Variants in ERGIC1 observed in about 807,000 individuals in gnomAD.
ERGIC1 encodes the protein endoplasmic reticulum-golgi intermediate compartment 1.
ERGIC1 carries 19 observed loss-of-function variants against 38.3 expected under a neutral mutation model. The observed-to-expected ratio is 0.50, with a 90% CI of 0.35 to 0.73. The LOEUF (loss-of-function observed/expected upper bound fraction) is 0.73, where lower values mean the gene tolerates loss of function less well. ERGIC1 is among the 30% of genes least tolerant of loss of function. The pLI, the probability that ERGIC1 is intolerant of heterozygous loss-of-function variation, is 0.01. For missense variants in ERGIC1, 294 were observed against 389.2 expected (o/e 0.76, Z 2.06); for synonymous variants, 124 against 157.6 (o/e 0.79, Z 1.60).
At chr5:172,925,708 C>T (rs1391464283) in intron 6 of ERGIC1, among the ~76,000 whole-genome samples, 1 of 152,174 alleles carries the variant, frequency 6.6e-6, no homozygotes, top group East Asian at 1.9e-4. Context: ...AGTTTAACTT[C>T]CCACTTTCCT....
chr5:172,861,159 C>G (rs1290414633), intron 1 of ERGIC1, among the ~76,000 whole-genome samples: 1 of 152,230 alleles, frequency 6.6e-6, no homozygotes, highest in Admixed American at 6.5e-5. Context: ...CAGTGGCCAC[C>G]GCTGCTGCTG....
rs1322007149 is a variant in ERGIC1 at position 172,914,250 on chromosome 5, A to AT, written c.251-464_251-463insT. 4.0e-3 allele frequency among the ~76,000 whole-genome samples: 401 copies of AT among 100,650 alleles called. 1 individual carries two copies. Among genetic ancestry groups the AT allele is most frequent in the Non-Finnish European group, 4.0e-3 (206 of 51,008 alleles). 66.0% of individuals were successfully genotyped at this position (100,650 alleles called of 152,430 possible). On this transcript the variant is annotated intron_variant, in intron 4 of 9. Transcript: ENST00000393784. The stretch of plus-strand genomic sequence containing the variant: ...ACTCTGTCTCAAAAAAAAAAAAAAA[A>AT]AAAAAAATACAAAGACTATCTGAGA...
In ERGIC1 at chr5:172,834,266, G is replaced by A. The variant is rs1426850575; in HGVS notation, c.-148G>A. On this transcript the variant is annotated 5_prime_UTR_variant, in exon 1 of 10. Coordinates refer to ENST00000393784, the MANE Select transcript of ERGIC1 (RefSeq NM_001031711.3). The surrounding 1 kb of genome is among the most constrained non-coding windows in gnomAD (Gnocchi z 4.1). Reference sequence around the variant, plus strand: ...GCGGAGCGTCACTTCCCGGCAGCGGGAGGCGAGTGGCGAGTGGCGAGTGGC... The same window carrying A: ...GCGGAGCGTCACTTCCCGGCAGCGGAAGGCGAGTGGCGAGTGGCGAGTGGC... 16 of 770,980 alleles carry A rather than the reference G, an allele frequency of 2.1e-5. No individual in the cohort carries two copies. Among genetic ancestry groups the A allele is most frequent in the Middle Eastern group, 5.1e-4 (1 of 1,942 alleles). 47.8% of individuals were successfully genotyped at this position (770,980 alleles called of 1,614,324 possible).
At chr5:172,877,458 ATT>A (rs56384349) in intron 1 of ERGIC1, among the ~76,000 whole-genome samples, 2,191 of 86,486 alleles carry the variant, frequency 0.025, 23 homozygotes, top group Non-Finnish European at 0.035. Flanking sequence ...ATATATATAT[ATT>A]TTTTTTTTTT....
intron 5 of ERGIC1, among the ~76,000 whole-genome samples, chr5:172,920,910 C>G (rs508104): frequency 0.042 from 6,334 of 152,284 alleles, 442 homozygotes; most frequent in African/African-American, 0.14. Flanking sequence ...TGTCTCATGA[C>G]TGTTTTATCA....
chr5:172,850,216 A>G (rs1037842411), intron 1 of ERGIC1, among the ~76,000 whole-genome samples: 6 of 152,190 alleles, frequency 3.9e-5, no homozygotes, highest in Admixed American at 3.3e-4. Context: ...ACTGGGTCAC[A>G]CTTGAAGCCA....
intron 2 of ERGIC1, among the ~76,000 whole-genome samples, chr5:172,896,533 T>C (rs756310622): frequency 1.3e-5 from 2 of 152,166 alleles, no homozygotes; most frequent in Non-Finnish European, 2.9e-5. Context: ...GTGGGGCCTG[T>C]GGCAAACTCA....
intron 1 of ERGIC1, among the ~76,000 whole-genome samples, chr5:172,886,581 C>T (rs1045128019): frequency 3.9e-5 from 6 of 152,132 alleles, no homozygotes; most frequent in South Asian, 2.1e-4. Context: ...GTAGGCACTG[C>T]GTAAATGTTT....
chr5:172,843,494 T>C (rs981738677), intron 1 of ERGIC1, among the ~76,000 whole-genome samples: 4 of 152,228 alleles, frequency 2.6e-5, no homozygotes, highest in Admixed American at 1.3e-4. Flanking sequence ...CACCAACATA[T>C]AGAATTACCT....
At chr5:172,928,485 C>G (rs781347840) in intron 7 of ERGIC1, among the ~76,000 whole-genome samples, 6 of 152,184 alleles carry the variant, frequency 3.9e-5, no homozygotes, top group Non-Finnish European at 8.8e-5. Flanking sequence ...ACTGGTCACC[C>G]TATCTAAAGT....
intron 1 of ERGIC1, among the ~76,000 whole-genome samples, chr5:172,878,265 A>G (rs1285680039): frequency 6.6e-6 from 1 of 152,132 alleles, no homozygotes; most frequent in East Asian, 1.9e-4. Flanking sequence ...ATTATGTGCT[A>G]TGTAGACCAG....
At chr5:172,897,716 C>A in intron 3 of ERGIC1, 1 of 412,538 alleles carries the variant, frequency 2.4e-6, no homozygotes, top group South Asian at 1.3e-4. Flanking sequence ...ATCACAGGGT[C>A]ATTTGATGTG....
intron 1 of ERGIC1, among the ~76,000 whole-genome samples, chr5:172,852,648 G>A (rs1224165649): frequency 6.6e-6 from 1 of 152,244 alleles, no homozygotes; most frequent in Non-Finnish European, 1.5e-5. Context: ...TAAATGAGCA[G>A]GGTCTTCCTC....
chr5:172,929,007 C>A (rs1763719243), intron 7 of ERGIC1, among the ~76,000 whole-genome samples: 1 of 152,172 alleles, frequency 6.6e-6, no homozygotes, highest in African/African-American at 2.4e-5. Flanking sequence ...TCCCCTAGGG[C>A]AGAATCTAAG....
chr5:172,945,580 C>T (rs530515833), intron 9 of ERGIC1, among the ~76,000 whole-genome samples: 1 of 152,340 alleles, frequency 6.6e-6, no homozygotes, highest in South Asian at 2.1e-4. Context: ...TTCCAGTGAA[C>T]TGAAAGATTA....
At position 172,951,680 on chromosome 5, in the gene ERGIC1, G is replaced by C. The variant is rs1426665983; in HGVS notation, c.*864G>C. 6.6e-6 allele frequency: 1 copy of C among 152,292 alleles called. No homozygotes were observed. Among genetic ancestry groups the C allele is most frequent in the African/African-American group, 2.4e-5 (1 of 41,436 alleles). The allele number at this position is 152,292 out of a possible 1,614,324, so 9.4% of individuals were successfully genotyped here. A position where few individuals can be genotyped will look rare whatever the true frequency, so the allele number is the denominator to read the frequency against. On this transcript the variant is annotated 3_prime_UTR_variant, in exon 10 of 10. Transcript: ENST00000393784. ...GGATCTGCAGTGGCAGGGAGTGGGG[G>C]TTGTGTAAAGGGGAAGTCATCTTTT...
In ERGIC1 at chr5:172,834,573, C is replaced by G. The variant is rs1229144598; in HGVS notation, c.20+140C>G. Reference sequence around the variant, plus strand: ...TGCCTCCGCAGGCCCCTAGGGACCCCAGGCGAGCCCCCCCCCTGCCGCACA... The same window carrying G: ...TGCCTCCGCAGGCCCCTAGGGACCCGAGGCGAGCCCCCCCCCTGCCGCACA... On this transcript the variant is annotated intron_variant, in intron 1 of 9. Transcript: ENST00000393784. The surrounding 1 kb of genome is among the most constrained non-coding windows in gnomAD (Gnocchi z 4.1). The G allele has an allele frequency of 2.6e-6, 2 of 761,244 alleles. No individual in the cohort carries two copies. The highest frequency in any genetic ancestry group is 3.3e-6 in the Non-Finnish European group (2 of 600,490). 47.2% of individuals were successfully genotyped at this position (761,244 alleles called of 1,614,324 possible).
At position 172,950,865 on chromosome 5, in the gene ERGIC1, C is replaced by T. The variant is rs1251561090; in HGVS notation, c.*49C>T. ...AGGACCCTGGGCATCGCCAGCCTTG[C>T]CTCCAGTGCCCTGTCTCCTTTGGCC... On this transcript the variant is annotated 3_prime_UTR_variant, in exon 10 of 10. Transcript: ENST00000393784. 8.6e-6 allele frequency: 13 copies of T among 1,509,602 alleles called. No homozygotes were observed. The highest frequency in any genetic ancestry group is 1.4e-5 in the African/African-American group (1 of 72,816). 93.5% of individuals were successfully genotyped at this position (1,509,602 alleles called of 1,614,324 possible).
At chr5:172,887,104 T>C (rs1200143392) in intron 1 of ERGIC1, among the ~76,000 whole-genome samples, 3 of 152,314 alleles carry the variant, frequency 2.0e-5, no homozygotes, top group Middle Eastern at 6.8e-3. Context: ...CACGTGTAAT[T>C]AGGGTGAGCA....
Sources: allele counts gnomAD v4.1 joint callset (sites outside exome capture counted in the v4.1 genomes callset), GRCh38; gene constraint gnomAD v4.1.1; non-coding constraint Gnocchi (gnomAD v3.1); transcripts MANE v1.5; gene names NCBI Gene and HGNC (gene_info 2026-07-23, HGNC 2026-07-21).